Variants in FILIP1L observed in about 807,000 individuals in gnomAD.
FILIP1L encodes filamin A-interacting protein 1-like.
In FILIP1L, 55 loss-of-function variants were observed where a neutral mutation model predicts 96.6. The observed-to-expected ratio is 0.57, with a 90% CI of 0.46 to 0.71. The LOEUF is 0.71. Ranked by LOEUF, FILIP1L falls within the 30% of genes least tolerant of loss-of-function variation. The probability of loss-of-function intolerance (pLI) is 0.00; values close to 1 mark genes in which losing one functional copy is unlikely to be tolerated. For missense variants in FILIP1L, 1,304 were observed against 1,321.2 expected (o/e 0.99, Z 0.20); for synonymous variants, 467 against 473.9 (o/e 0.99, Z 0.19).
chr3:99,840,849 C>G (rs1943101004), intron 5 of FILIP1L, among the ~76,000 whole-genome samples: 1 of 152,196 alleles, frequency 6.6e-6, no homozygotes, highest in African/African-American at 2.4e-5. Flanking sequence ...ATTTGCCTGC[C>G]TCCAGTGCTC....
At chr3:100,009,232 C>T (rs542036986) in intron 1 of FILIP1L, among the ~76,000 whole-genome samples, 9 of 152,142 alleles carry the variant, frequency 5.9e-5, no homozygotes, top group Non-Finnish European at 1.0e-4. Flanking sequence ...TTTTAACCTA[C>T]GGTATTATCA....
At chr3:99,997,489 C>T (rs1452077468) in intron 1 of FILIP1L, among the ~76,000 whole-genome samples, 3 of 152,120 alleles carry the variant, frequency 2.0e-5, no homozygotes, top group Non-Finnish European at 2.9e-5. Flanking sequence ...CTTTCTGATA[C>T]CCCAGTGGTT....
At chr3:100,034,410 G>T (rs1240476906) in intron 1 of FILIP1L, among the ~76,000 whole-genome samples, 2 of 152,190 alleles carry the variant, frequency 1.3e-5, no homozygotes, top group African/African-American at 2.4e-5. Context: ...AGATGTAATG[G>T]AAAGAATTCA....
At chr3:99,852,913 A>G (rs2107533520) in intron 4 of FILIP1L, among the ~76,000 whole-genome samples, 1 of 152,278 alleles carries the variant, frequency 6.6e-6, no homozygotes, top group Non-Finnish European at 1.5e-5. Flanking sequence ...GTGGGAGTCC[A>G]CTTTTAGTTT....
intron 4 of FILIP1L, among the ~76,000 whole-genome samples, chr3:99,881,104 C>A (rs1705711361): frequency 6.6e-6 from 1 of 152,102 alleles, no homozygotes; most frequent in South Asian, 2.1e-4. Flanking sequence ...AATAAGGAAT[C>A]ATCTGTTGGT....
At chr3:99,956,350 C>G (rs1457807879) in intron 1 of FILIP1L, among the ~76,000 whole-genome samples, 1 of 152,130 alleles carries the variant, frequency 6.6e-6, no homozygotes. Context: ...TCCCCTCCAT[C>G]TAAGCTTTGT....
intron 3 of FILIP1L, among the ~76,000 whole-genome samples, chr3:99,929,456 C>T (rs1576579973): frequency 6.6e-6 from 1 of 152,018 alleles, no homozygotes; most frequent in East Asian, 1.9e-4. Context: ...AAAAATTAAC[C>T]TCTATGGTTG....
chr3:99,960,453 G>GA (rs1708457492), intron 1 of FILIP1L, among the ~76,000 whole-genome samples: 1 of 152,124 alleles, frequency 6.6e-6, no homozygotes, highest in African/African-American at 2.4e-5. Flanking sequence ...ACCCACAGGG[G>GA]AAAAATCAAA....
intron 4 of FILIP1L, among the ~76,000 whole-genome samples, chr3:99,903,769 A>G (rs1016628537): frequency 7.2e-5 from 11 of 152,122 alleles, no homozygotes; most frequent in Non-Finnish European, 1.3e-4. Context: ...CGTGGCCCCC[A>G]AAAAAGTGTG....
At chr3:99,989,656 A>G (rs937571891) in intron 1 of FILIP1L, among the ~76,000 whole-genome samples, 1 of 137,862 alleles carries the variant, frequency 7.3e-6, no homozygotes, top group Non-Finnish European at 1.5e-5. Context: ...TCAATTTAGT[A>G]TCTTCCTCTA....
At chr3:100,103,961 G>A (rs1025216502) in intron 1 of FILIP1L, among the ~76,000 whole-genome samples, 7 of 152,256 alleles carry the variant, frequency 4.6e-5, no homozygotes, top group South Asian at 4.1e-4. Flanking sequence ...TTAATCAGGC[G>A]CATTAACTCA....
At chr3:100,002,465 A>G (rs892477827) in intron 1 of FILIP1L, among the ~76,000 whole-genome samples, 3 of 152,140 alleles carry the variant, frequency 2.0e-5, no homozygotes, top group African/African-American at 7.2e-5. Context: ...TCTGCCTGCC[A>G]CTGCTTACTT....
chr3:100,018,735 CAA>C lies in FILIP1L; in HGVS notation c.-10-87707_-10-87706del, dbSNP rs61527233. 9.5e-3 allele frequency among the ~76,000 whole-genome samples: 1,139 copies of C among 120,190 alleles called. 11 individuals carry two copies. Among genetic ancestry groups the C allele is most frequent in the African/African-American group, 0.025 (803 of 32,174 alleles). 78.8% of individuals were successfully genotyped at this position (120,190 alleles called of 152,430 possible). A position where few individuals can be genotyped will look rare whatever the true frequency, so the allele number is the denominator to read the frequency against. ...ATCAAACTTAAAAGTTTCCGCATAG[CAA>C]AAAAAAAAAAAAAAATCAACAGAGT... On this transcript the variant is annotated intron_variant, in intron 1 of 5. Transcript: ENST00000477258.
At chr3:100,055,964 T>C (rs1459707158) in intron 1 of FILIP1L, among the ~76,000 whole-genome samples, 1 of 152,206 alleles carries the variant, frequency 6.6e-6, no homozygotes, top group Non-Finnish European at 1.5e-5. Context: ...CACTTGTGTA[T>C]GGAGTCCAAG....
chr3:100,078,580 G>C (rs1270775567), intron 1 of FILIP1L, among the ~76,000 whole-genome samples: 1 of 151,820 alleles, frequency 6.6e-6, no homozygotes, highest in Non-Finnish European at 1.5e-5. Flanking sequence ...ACTAGCGATA[G>C]CTGATGAGGT....
At chr3:99,834,439 T>C (rs976300391) in intron 5 of FILIP1L, among the ~76,000 whole-genome samples, 5 of 152,236 alleles carry the variant, frequency 3.3e-5, no homozygotes, top group African/African-American at 1.2e-4. Context: ...GTGGAAATTA[T>C]ACAGTCAGCA....
intron 1 of FILIP1L, among the ~76,000 whole-genome samples, chr3:99,990,900 A>G (rs1709491060): frequency 6.6e-6 from 1 of 152,180 alleles, no homozygotes. Flanking sequence ...GCAGAGAGCA[A>G]ATGAAAAAAG....
chr3:99,997,150 A>C (rs2107151725), intron 1 of FILIP1L, among the ~76,000 whole-genome samples: 1 of 152,322 alleles, frequency 6.6e-6, no homozygotes, highest in South Asian at 2.1e-4. Context: ...AACAAGAAAA[A>C]CCATACAAAG....
At chr3:99,881,188 T>C (rs1407716167) in intron 4 of FILIP1L, among the ~76,000 whole-genome samples, 1 of 152,206 alleles carries the variant, frequency 6.6e-6, no homozygotes, top group Non-Finnish European at 1.5e-5. Flanking sequence ...TACTAGTAGG[T>C]AAGTAGAATG....
Sources: gnomAD v4.1 joint callset for allele counts (sites outside exome capture counted in the v4.1 genomes callset) on GRCh38, gnomAD v4.1.1 for gene constraint, MANE v1.5 for transcripts, NCBI Gene and HGNC (gene_info 2026-07-23, HGNC 2026-07-21) for gene names.